ERBB2: variants seen among roughly 807,000 people sequenced by gnomAD.
The protein encoded by ERBB2 is receptor tyrosine-protein kinase erbB-2.
A neutral mutation model predicts 149.0 loss-of-function variants in ERBB2; 61 were observed. The observed-to-expected ratio is 0.41, with a 90% CI of 0.33 to 0.51. The LOEUF (loss-of-function observed/expected upper bound fraction) is 0.51, where lower values mean the gene tolerates loss of function less well. ERBB2 is among the 20% of genes least tolerant of loss of function. ERBB2 has a pLI of 0.25. For missense variants in ERBB2, 1,205 were observed against 1,655.1 expected, an observed-to-expected ratio of 0.73 and a Z score of 4.72; for synonymous variants, 633 against 678.8, an observed-to-expected ratio of 0.93 and a Z score of 1.05.
At chr17:39,694,572 A>G (rs1253673711), upstream of ERBB2, 1 of 151,902 alleles carries the variant, frequency 6.6e-6, no homozygotes, top group Non-Finnish European at 1.5e-5. Flanking sequence ...TTTGAAGGGC[A>G]AAGGAAGAGA....
At chr17:39,691,393 A>T (rs1431245904), upstream of ERBB2, among the ~76,000 whole-genome samples, 3 of 151,454 alleles carry the variant, frequency 2.0e-5, no homozygotes, top group Non-Finnish European at 4.4e-5. Context: ...AATACAAAAA[A>T]ATTAGCTGGG....
chr17:39,699,396 G>T, upstream of ERBB2: 1 of 591,092 alleles, frequency 1.7e-6, no homozygotes. Context: ...GGGAGGCAGA[G>T]GTTGTGGTGA....
At chr17:39,696,619 G>A (rs1392757968), upstream of ERBB2, 1 of 152,182 alleles carries the variant, frequency 6.6e-6, no homozygotes, top group Non-Finnish European at 1.5e-5. Flanking sequence ...TGTGACCTTG[G>A]GAAAGTTCCT....
chr17:39,708,393 C>T lies in ERBB2; in HGVS notation c.298C>T (p.Arg100Trp), dbSNP rs749886389. The T allele has an allele frequency of 5.6e-6, 9 of 1,614,054 alleles. No individual in the cohort carries two copies. Among genetic ancestry groups the T allele is most frequent in the Admixed American group, 5.0e-5 (3 of 60,006 alleles). ...QVRQVPLQRL[R>W]IVRGTQLFED... ...GAGGCAGGTCCCACTGCAGAGGCTGCGGATTGTGCGAGGCACCCAGCTCTT... is the reference window on the plus strand; with the variant it reads ...GAGGCAGGTCCCACTGCAGAGGCTGTGGATTGTGCGAGGCACCCAGCTCTT... The change falls in exon 3 of 27, where the codon CGG becomes TGG. Residue 100 changes from arginine to tryptophan, a missense_variant. This residue lies in a region of ERBB2 where 569 missense variants were observed against 803.5 expected (regional missense o/e 0.71). Coordinates refer to ENST00000269571, the MANE Select transcript of ERBB2 (RefSeq NM_004448.4).
chr17:39,722,131 T>A (rs1412593979), intron 16 of ERBB2, among the ~76,000 whole-genome samples: 1 of 152,104 alleles, frequency 6.6e-6, no homozygotes, highest in Non-Finnish European at 1.5e-5. Flanking sequence ...TTAGTCAGGC[T>A]GGTCTCGAAC....
chr17:39,721,175 C>T (rs141538669), intron 16 of ERBB2, among the ~76,000 whole-genome samples: 1,729 of 151,716 alleles, frequency 0.011, 11 homozygotes, highest in Middle Eastern at 0.031. Context: ...GTCTCAAACT[C>T]GTGGGCTCAA....
At chr17:39,716,753 G>C (rs1597875330) in intron 14 of ERBB2, 148 bp downstream of exon 14, 1 of 733,596 alleles carries the variant, frequency 1.4e-6, no homozygotes, top group Non-Finnish European at 2.3e-6. Context: ...AACAGCAACA[G>C]AGTGGCAGAA....
chr17:39,696,759 T>TA (rs1368885815), upstream of ERBB2: 2 of 151,742 alleles, frequency 1.3e-5, no homozygotes, highest in African/African-American at 4.9e-5. Context: ...TGGCACAGAG[T>TA]AGGGTCCAAT....
At chr17:39,690,341 C>T (rs529602712), upstream of ERBB2, among the ~76,000 whole-genome samples, 9 of 152,370 alleles carry the variant, frequency 5.9e-5, no homozygotes, top group East Asian at 1.2e-3. Flanking sequence ...CCGCCTCAAC[C>T]TCCCAAAGTG....
chr17:39,720,671 G>A (rs913050347), intron 16 of ERBB2, among the ~76,000 whole-genome samples: 1 of 151,986 alleles, frequency 6.6e-6, no homozygotes, highest in African/African-American at 2.4e-5. Context: ...ATTTTTTTGA[G>A]ACGGAGTCTC....
intron 1 of ERBB2, among the ~76,000 whole-genome samples, chr17:39,700,899 G>A (rs754808309): frequency 1.3e-5 from 2 of 152,038 alleles, no homozygotes; most frequent in African/African-American, 2.4e-5. Context: ...GTGGCCCGGA[G>A]GGTGGCCTCT....
upstream of ERBB2, chr17:39,699,842 G>T: frequency 1.8e-6 from 1 of 559,302 alleles, no homozygotes; most frequent in Non-Finnish European, 3.0e-6. Context: ...GTGTGAGAAC[G>T]GCTGCAGGCA....
chr17:39,726,406 C>A lies in ERBB2; in HGVS notation c.2873-156C>A. Reference sequence around the variant, plus strand: ...CTAGAAGAGATGCCAAAGGTTCTGGCTGAAGACCCCAGAGTCTGGTGCTAC... The same window carrying A: ...CTAGAAGAGATGCCAAAGGTTCTGGATGAAGACCCCAGAGTCTGGTGCTAC... On this transcript the variant is annotated intron_variant, in intron 23 of 26. Transcript: ENST00000269571. This position sits in a 1 kb window ranked among gnomAD's most constrained non-coding sequence, Gnocchi z 5.1. 1.6e-6 allele frequency: 1 copy of A among 632,426 alleles called. No homozygotes were observed. Among genetic ancestry groups the A allele is most frequent in the East Asian group, 2.7e-5 (1 of 36,398 alleles). 39.2% of individuals were successfully genotyped at this position (632,426 alleles called of 1,614,324 possible).
intron 11 of ERBB2, 45 bp downstream of exon 11, chr17:39,715,581 G>A (rs2145644584): frequency 6.3e-7 from 1 of 1,590,918 alleles, no homozygotes; most frequent in Non-Finnish European, 8.6e-7. Flanking sequence ...GAGTCCCAGG[G>A]AGGAGTCCCT....
chr17:39,692,788 G>A (rs1429785415), upstream of ERBB2, among the ~76,000 whole-genome samples: 1 of 152,116 alleles, frequency 6.6e-6, no homozygotes, highest in Non-Finnish European at 1.5e-5. Flanking sequence ...AGCTGAGTGT[G>A]GTGGCTCATG....
At position 39,714,279 on chromosome 17, in the gene ERBB2, G is replaced by A. The variant is rs148942170; in HGVS notation, c.1149-1007G>A. Among the ~76,000 whole-genome samples, 158 of 152,226 alleles carry A rather than the reference G, an allele frequency of 1.0e-3. 1 individual carries two copies. The highest frequency in any genetic ancestry group is 3.6e-3 in the African/African-American group (150 of 41,538). ...TGTCTGCACCTTGCTTTGAGAGCCG[G>A]TCATGACAGTTCCCATTGAACTGCC... On this transcript the variant is annotated intron_variant, in intron 9 of 26. Coordinates refer to ENST00000269571, the MANE Select transcript of ERBB2 (RefSeq NM_004448.4).
At chr17:39,700,422 T>C in intron 1 of ERBB2, 111 bp downstream of exon 1, 1 of 922,456 alleles carries the variant, frequency 1.1e-6, no homozygotes, top group Non-Finnish European at 1.4e-6. Context: ...AGCTCTCCTA[T>C]CCCGAAGTTG....
rs549594933 is a variant in ERBB2, at chr17:39,728,171, C to T, written c.*127C>T. On this transcript the variant is annotated 3_prime_UTR_variant, in exon 27 of 27. Coordinates refer to ENST00000269571, the MANE Select transcript of ERBB2 (RefSeq NM_004448.4). ...CCAGGGGAACCTGCCATGCCAGGAA[C>T]CTGTCCTAAGGAACCTTCCTTCCTG... 1.5e-4 allele frequency: 101 copies of T among 672,610 alleles called. No individual in the cohort carries two copies. The South Asian group carries it at 1.9e-3, about 13-fold the overall frequency. The allele number at this position is 672,610 out of a possible 1,614,324, so 41.7% of individuals were successfully genotyped here. A position where few individuals can be genotyped will look rare whatever the true frequency, so the allele number is the denominator to read the frequency against.
At chr17:39,704,905 T>C (rs2058337326) in intron 1 of ERBB2, among the ~76,000 whole-genome samples, 1 of 151,860 alleles carries the variant, frequency 6.6e-6, no homozygotes, top group African/African-American at 2.4e-5. Flanking sequence ...ATCGGTGGCA[T>C]TGGGAGAATT....
Sources: allele counts gnomAD v4.1 joint callset (sites outside exome capture counted in the v4.1 genomes callset), GRCh38; gene constraint gnomAD v4.1.1; regional missense constraint gnomAD v4.1.1; non-coding constraint Gnocchi (gnomAD v3.1); transcripts MANE v1.5; gene names NCBI Gene and HGNC (gene_info 2026-07-23, HGNC 2026-07-21).